ADGRL3: variants seen among roughly 807,000 people sequenced by gnomAD.
The protein encoded by ADGRL3 is adhesion G protein-coupled receptor L3, also known as calcium-independent alpha-latrotoxin receptor 3.
ADGRL3 carries 62 observed loss-of-function variants against 153.5 expected under a neutral mutation model. The ratio of observed to expected loss-of-function variants is 0.40; its 90% confidence interval spans 0.33 to 0.50. ADGRL3 has a LOEUF of 0.50. Among genes scored for constraint, ADGRL3 ranks in the 20% least tolerant of loss-of-function variants. The pLI, the probability that ADGRL3 is intolerant of heterozygous loss-of-function variation, is 0.47. For synonymous variants in ADGRL3, 710 were observed against 672.5 expected (o/e 1.06, Z -0.86); for missense variants, 1,641 against 1,859.4 (o/e 0.88, Z 2.16).
At chr4:61,558,117 T>C (rs1257986331) in intron 4 of ADGRL3, among the ~76,000 whole-genome samples, 10 of 146,586 alleles carry the variant, frequency 6.8e-5, no homozygotes, top group African/African-American at 2.5e-4. Context: ...CCTACATATA[T>C]ATATATGTAG....
intron 8 of ADGRL3, among the ~76,000 whole-genome samples, chr4:61,765,112 A>G (rs998235396): frequency 6.6e-6 from 1 of 152,166 alleles, no homozygotes; most frequent in African/African-American, 2.4e-5. Flanking sequence ...TCAAGAGTTA[A>G]GAGTGGCAGT....
At chr4:61,468,075 A>G (rs1402642763) in intron 2 of ADGRL3, among the ~76,000 whole-genome samples, 1 of 152,184 alleles carries the variant, frequency 6.6e-6, no homozygotes, top group Non-Finnish European at 1.5e-5. Flanking sequence ...AGCTCTTTAA[A>G]TCATTGCAGT....
At chr4:62,037,900 A>G (rs750727634) in intron 24 of ADGRL3, 44 bp downstream of exon 24, 2 of 1,609,376 alleles carry the variant, frequency 1.2e-6, no homozygotes, top group South Asian at 1.1e-5. Context: ...TCTTAACTAT[A>G]CCAGTTACTG....
In ADGRL3 at chr4:61,650,102, G is replaced by A. The variant is rs369998453; in HGVS notation, c.474-26724G>A. Among the ~76,000 whole-genome samples the A allele has an allele frequency of 8.5e-5, 13 of 152,130 alleles. No individual in the cohort carries two copies. In the South Asian group the frequency reaches 2.5e-3, roughly 29 times the overall value. On this transcript the variant is annotated intron_variant, in intron 5 of 26. Coordinates refer to ENST00000683033, the MANE Select transcript of ADGRL3 (RefSeq NM_001387552.1). ...TGGGAAAGTGGCGGAACATTTTAGG[G>A]CAACTAAATCTACTGAGAGAAATAA...
At chr4:61,973,432 A>G (rs1374301425) in intron 17 of ADGRL3, among the ~76,000 whole-genome samples, 4 of 152,136 alleles carry the variant, frequency 2.6e-5, no homozygotes, top group Admixed American at 2.0e-4. Flanking sequence ...CAAAAATGAA[A>G]GGAAAATCAG....
At chr4:61,783,160 CCAAA>C (rs1265389173) in intron 8 of ADGRL3, among the ~76,000 whole-genome samples, 1 of 152,052 alleles carries the variant, frequency 6.6e-6, no homozygotes, top group Non-Finnish European at 1.5e-5. Flanking sequence ...TGCCTGAGGG[CCAAA>C]CAGAGGTTAA....
At chr4:61,798,291 G>C (rs535424079) in intron 8 of ADGRL3, among the ~76,000 whole-genome samples, 6 of 152,264 alleles carry the variant, frequency 3.9e-5, no homozygotes, top group Admixed American at 3.3e-4. Flanking sequence ...GAGTCCCCTA[G>C]TATGTGACTA....
At chr4:61,324,673 G>A (rs2095429941) in intron 1 of ADGRL3, among the ~76,000 whole-genome samples, 1 of 152,076 alleles carries the variant, frequency 6.6e-6, no homozygotes, top group Admixed American at 6.6e-5. Context: ...TGCTCAACAA[G>A]CAAATAGGAA....
rs541200346 is a variant in ADGRL3 at position 61,946,334 on chromosome 4, A to G, written c.2420-580A>G. 3.7e-4 allele frequency among the ~76,000 whole-genome samples: 57 copies of G among 152,152 alleles called. 1 individual carries two copies. The South Asian group carries it at 8.7e-3, about 23-fold the overall frequency. ...TTACTAATGATACTGATCATTTTTC[A>G]TGTGTCTATTGGCCTTTCCTTTATT... On this transcript the variant is annotated intron_variant, in intron 15 of 26. Coordinates refer to ENST00000683033, the MANE Select transcript of ADGRL3 (RefSeq NM_001387552.1).
intron 1 of ADGRL3, among the ~76,000 whole-genome samples, chr4:61,371,630 GT>G (rs1248107583): frequency 6.6e-6 from 1 of 152,104 alleles, no homozygotes; most frequent in Non-Finnish European, 1.5e-5. Context: ...CCCTTTGAGG[GT>G]AACCCGACCT....
At chr4:61,323,215 T>C (rs2095398958) in intron 1 of ADGRL3, among the ~76,000 whole-genome samples, 1 of 152,154 alleles carries the variant, frequency 6.6e-6, no homozygotes, top group Admixed American at 6.5e-5. Flanking sequence ...ACCAGGAACC[T>C]GGGCCTGGCC....
intron 17 of ADGRL3, among the ~76,000 whole-genome samples, chr4:61,948,771 A>G (rs555869023): frequency 6.6e-6 from 1 of 152,354 alleles, no homozygotes; most frequent in South Asian, 2.1e-4. Flanking sequence ...TGCCCATGCA[A>G]GAAGACACTA....
chr4:61,288,268 A>G (rs752930669), intron 1 of ADGRL3, among the ~76,000 whole-genome samples: 4 of 152,002 alleles, frequency 2.6e-5, no homozygotes, highest in African/African-American at 9.7e-5. Context: ...TTTTGACTAT[A>G]CATAACAGAA....
chr4:61,394,958 A>G (rs913800732), intron 2 of ADGRL3, among the ~76,000 whole-genome samples: 15 of 152,088 alleles, frequency 9.9e-5, no homozygotes, highest in African/African-American at 3.6e-4. Context: ...TAAATTTATG[A>G]AGAAACTAAA....
chr4:61,886,171 T>C (rs1170566536), intron 9 of ADGRL3, among the ~76,000 whole-genome samples: 1 of 152,154 alleles, frequency 6.6e-6, no homozygotes, highest in Non-Finnish European at 1.5e-5. Flanking sequence ...CTGAAGAGAA[T>C]TAGATAATTT....
chr4:61,234,686 G>A (rs980510985), intron 1 of ADGRL3, among the ~76,000 whole-genome samples: 5 of 152,106 alleles, frequency 3.3e-5, no homozygotes, highest in African/African-American at 7.2e-5. Flanking sequence ...GAAAGAAAAT[G>A]TTTCAGAAGT....
chr4:61,722,367 A>T (rs2096257036), intron 6 of ADGRL3, among the ~76,000 whole-genome samples: 6 of 152,182 alleles, frequency 3.9e-5, no homozygotes. Flanking sequence ...GAATAGAACA[A>T]CAAAACCCAA....
chr4:61,464,973 A>C (rs1307171491), intron 2 of ADGRL3, among the ~76,000 whole-genome samples: 1 of 152,156 alleles, frequency 6.6e-6, no homozygotes, highest in Admixed American at 6.6e-5. Context: ...TGAACCAAAA[A>C]ACTCTGGGGT....
chr4:61,532,531 T>TGCGC (rs35405501), intron 4 of ADGRL3, among the ~76,000 whole-genome samples: 17 of 141,256 alleles, frequency 1.2e-4, no homozygotes, highest in Admixed American at 5.7e-4. Context: ...GGATGCTGCA[T>TGCGC]GCGCGCGCGC....
Sources: gnomAD v4.1 joint callset for allele counts (sites outside exome capture counted in the v4.1 genomes callset) on GRCh38, gnomAD v4.1.1 for gene constraint, MANE v1.5 for transcripts, NCBI Gene and HGNC (gene_info 2026-07-23, HGNC 2026-07-21) for gene names.